Variants in CDS1 observed in about 807,000 individuals in gnomAD.
The protein encoded by CDS1 is CDP-diacylglycerol synthase 1, also known as phosphatidate cytidylyltransferase 1.
CDS1 carries 41 observed loss-of-function variants against 62.1 expected under a neutral mutation model. That is an observed-to-expected ratio of 0.66 (90% CI 0.51 to 0.86). The LOEUF (loss-of-function observed/expected upper bound fraction) is 0.86, where lower values mean the gene tolerates loss of function less well. Ranked by LOEUF, CDS1 falls within the 40% of genes least tolerant of loss-of-function variation. The pLI is 0.00. For missense variants in CDS1, 470 were observed against 550.1 expected, an observed-to-expected ratio of 0.85 and a Z score of 1.46; for synonymous variants, 185 against 192.6, an observed-to-expected ratio of 0.96 and a Z score of 0.32.
At chr4:84,631,620 A>C (rs1578046623) in intron 5 of CDS1, among the ~76,000 whole-genome samples, 199 bp from the exon 6 acceptor site, 1 of 152,222 alleles carries the variant, frequency 6.6e-6, no homozygotes, top group East Asian at 1.9e-4. Flanking sequence ...TGTATTAGGC[A>C]CTTTGGAGAG....
chr4:84,599,406 A>ATGTGTG (rs1722858592), intron 1 of CDS1, among the ~76,000 whole-genome samples: 1 of 6,040 alleles, frequency 1.7e-4, no homozygotes, highest in African/African-American at 6.8e-4. Context: ...ACACACACAC[A>ATGTGTG]TATATATATA....
intron 1 of CDS1, among the ~76,000 whole-genome samples, chr4:84,599,670 C>T (rs1273478954): frequency 6.6e-6 from 1 of 151,694 alleles, no homozygotes; most frequent in Non-Finnish European, 1.5e-5. Flanking sequence ...TTTTGTCTGG[C>T]TTCTTTTACT....
At chr4:84,594,855 C>T (rs1722701330) in intron 1 of CDS1, among the ~76,000 whole-genome samples, 1 of 152,012 alleles carries the variant, frequency 6.6e-6, no homozygotes, top group African/African-American at 2.4e-5. Context: ...TTCCTGGGAC[C>T]ACAGGCATGC....
chr4:84,601,330 A>G (rs971366135), intron 1 of CDS1, among the ~76,000 whole-genome samples: 20 of 152,186 alleles, frequency 1.3e-4, no homozygotes, highest in Non-Finnish European at 8.8e-5. Context: ...GATTGGCAGT[A>G]GTATCTTCTC....
rs780595740 is a variant in CDS1 at position 84,642,934 on chromosome 4, A to G, written c.1033-90A>G. Reference sequence around the variant, plus strand: ...AATGTGGTGCGTGCTTTGACTTACTATTTACACAATGGTTCTTAGATCAGG... The same window carrying G: ...AATGTGGTGCGTGCTTTGACTTACTGTTTACACAATGGTTCTTAGATCAGG... On this transcript the variant is annotated intron_variant, in intron 10 of 12. Transcript: ENST00000295887. 5.3e-5 allele frequency: 68 copies of G among 1,285,762 alleles called. No homozygotes were observed. The Middle Eastern group carries it at 5.8e-4, about 11-fold the overall frequency. 79.6% of individuals were successfully genotyped at this position (1,285,762 alleles called of 1,614,324 possible). A position where few individuals can be genotyped will look rare whatever the true frequency, so the allele number is the denominator to read the frequency against.
At chr4:84,609,595 T>C (rs80223479) in intron 3 of CDS1, 70 bp downstream of exon 3, 2 of 862,562 alleles carry the variant, frequency 2.3e-6, no homozygotes, top group South Asian at 2.9e-5. Flanking sequence ...TTGAAGTAAT[T>C]TGAGCATATC....
intron 5 of CDS1, among the ~76,000 whole-genome samples, chr4:84,621,017 A>G (rs1723671744): frequency 6.6e-6 from 1 of 152,184 alleles, no homozygotes; most frequent in South Asian, 2.1e-4. Context: ...CCGAGATCAC[A>G]CCATTGCACT....
chr4:84,609,817 T>C (rs1490207411), intron 3 of CDS1, among the ~76,000 whole-genome samples: 1 of 152,106 alleles, frequency 6.6e-6, no homozygotes, highest in Admixed American at 6.5e-5. Flanking sequence ...GACATGAGCC[T>C]GGGCAAAAAA....
At chr4:84,638,408 G>A (rs1332729144) in intron 8 of CDS1, among the ~76,000 whole-genome samples, 5 of 152,136 alleles carry the variant, frequency 3.3e-5, no homozygotes, top group African/African-American at 7.2e-5. Flanking sequence ...CATATCAGAA[G>A]GAAGTCTGTG....
chr4:84,613,735 C>T (rs551511547), intron 3 of CDS1, among the ~76,000 whole-genome samples: 31 of 152,272 alleles, frequency 2.0e-4, no homozygotes, highest in Non-Finnish European at 3.7e-4. Flanking sequence ...TAGAATCATA[C>T]TTTCTAAGTG....
chr4:84,603,338 C>T (rs1267082448), intron 1 of CDS1, among the ~76,000 whole-genome samples: 1 of 152,192 alleles, frequency 6.6e-6, no homozygotes, highest in Admixed American at 6.5e-5. Flanking sequence ...AACACCCTCA[C>T]TCCAGTTTCC....
chr4:84,642,401 A>G (rs1724414345), intron 10 of CDS1, among the ~76,000 whole-genome samples: 1 of 152,146 alleles, frequency 6.6e-6, no homozygotes, highest in South Asian at 2.1e-4. Context: ...ACTGTCTATA[A>G]ATTGTAGTTT....
intron 9 of CDS1, 101 bp downstream of exon 9, chr4:84,639,093 A>C: frequency 2.3e-6 from 1 of 432,962 alleles, no homozygotes; most frequent in Non-Finnish European, 4.0e-6. Flanking sequence ...ACAAAATGCT[A>C]ATAATATATT....
At chr4:84,641,024 G>T (rs1454108731) in intron 10 of CDS1, 34 bp downstream of exon 10, 4 of 1,352,338 alleles carry the variant, frequency 3.0e-6, no homozygotes, top group Non-Finnish European at 3.9e-6. Context: ...CATGGTTAGA[G>T]ATCTTCCACT....
intron 1 of CDS1, among the ~76,000 whole-genome samples, chr4:84,599,388 A>T (rs2110041838): frequency 1.4e-5 from 1 of 74,044 alleles, no homozygotes. Context: ...AATTTGGCAA[A>T]TTTTGACACA....
chr4:84,594,303 G>A (rs776047975), intron 1 of CDS1, among the ~76,000 whole-genome samples: 138 of 152,272 alleles, frequency 9.1e-4, no homozygotes, highest in Middle Eastern at 3.4e-3. Flanking sequence ...TGCTGGCCAC[G>A]CAAGTTCTGG....
chr4:84,599,409 T>C (rs575125085), intron 1 of CDS1, among the ~76,000 whole-genome samples: 822 of 11,320 alleles, frequency 0.073, 2 homozygotes, highest in African/African-American at 0.24. Context: ...CACACACATA[T>C]ATATATATAT....
chr4:84,629,357 G>GAA (rs1405575771), intron 5 of CDS1, among the ~76,000 whole-genome samples: 15 of 112,274 alleles, frequency 1.3e-4, no homozygotes, highest in Non-Finnish European at 1.9e-4. Flanking sequence ...AAAATACTCT[G>GAA]AAAAAAAAAA....
chr4:84,642,440 C>T (rs1724415016), intron 10 of CDS1, among the ~76,000 whole-genome samples: 5 of 151,954 alleles, frequency 3.3e-5, no homozygotes, highest in Admixed American at 3.3e-4. Flanking sequence ...GCAAGAACTA[C>T]AAATTTGCAA....
Sources: gnomAD v4.1 joint callset for allele counts (sites outside exome capture counted in the v4.1 genomes callset) on GRCh38, gnomAD v4.1.1 for gene constraint, MANE v1.5 for transcripts, NCBI Gene and HGNC (gene_info 2026-07-23, HGNC 2026-07-21) for gene names.